The following LBR variants were observed in gnomAD, a reference collection of about 807,000 sequenced individuals.
The protein encoded by LBR is lamin B receptor, also known as delta(14)-sterol reductase LBR.
In LBR, 28 loss-of-function variants were observed where a neutral mutation model predicts 74.3. The observed-to-expected ratio is 0.38, with a 90% CI of 0.28 to 0.52. The LOEUF (loss-of-function observed/expected upper bound fraction) is 0.52, where lower values mean the gene tolerates loss of function less well. Among genes scored for constraint, LBR ranks in the 20% least tolerant of loss-of-function variants. The pLI, the probability that LBR is intolerant of heterozygous loss-of-function variation, is 0.89. For synonymous variants in LBR, 228 were observed against 269.3 expected (o/e 0.85, Z 1.50); for missense variants, 717 against 760.3 (o/e 0.94, Z 0.67).
At chr1:225,426,968 C>T (rs540174195) in intron 1 of LBR, among the ~76,000 whole-genome samples, 2 of 152,350 alleles carry the variant, frequency 1.3e-5, no homozygotes, top group Admixed American at 1.3e-4. Flanking sequence ...TTCTCCGTAG[C>T]TCCATCTTCT....
At chr1:225,415,387 T>G in intron 6 of LBR, 55 bp from the exon 7 acceptor site, 1 of 842,064 alleles carries the variant, frequency 1.2e-6, no homozygotes, top group Non-Finnish European at 2.0e-6. Context: ...CATATATACA[T>G]ATATACACAC....
At chr1:225,420,437 T>A (rs1558656986) in intron 3 of LBR, among the ~76,000 whole-genome samples, 1 of 152,054 alleles carries the variant, frequency 6.6e-6, no homozygotes, top group Non-Finnish European at 1.5e-5. Context: ...GTTCATTAAC[T>A]GGATAAAAAA....
At chr1:225,422,378 T>A in intron 2 of LBR, 101 bp from the exon 3 acceptor site, 1 of 916,084 alleles carries the variant, frequency 1.1e-6, no homozygotes, top group Non-Finnish European at 1.7e-6. Context: ...CTGCTACCAT[T>A]AACTCTAAAA....
At chr1:225,422,053 C>T (rs990802457) in intron 3 of LBR, 24 bp downstream of exon 3, 11 of 1,605,126 alleles carry the variant, frequency 6.9e-6, no homozygotes, top group Non-Finnish European at 9.4e-6. Context: ...AGACAAAAGG[C>T]TGTATAAGGA....
intron 9 of LBR, 108 bp from the exon 10 acceptor site, chr1:225,410,524 G>A (rs918878990): frequency 1.9e-5 from 22 of 1,172,672 alleles, no homozygotes; most frequent in African/African-American, 9.1e-5. Context: ...AGACGCCACC[G>A]TAACTCCTAC....
intron 9 of LBR, 35 bp downstream of exon 9, chr1:225,411,302 G>C (rs748254840): frequency 2.1e-6 from 3 of 1,431,856 alleles, no homozygotes; most frequent in Admixed American, 1.7e-5. Context: ...TAGACCTATT[G>C]AATTGAAATT....
chr1:225,411,892 C>T (rs920514725), intron 8 of LBR, among the ~76,000 whole-genome samples: 1 of 152,258 alleles, frequency 6.6e-6, no homozygotes, highest in South Asian at 2.1e-4. Context: ...TCACTGCAAC[C>T]TCCGCCTCCC....
At chr1:225,411,521 C>A in intron 8 of LBR, 81 bp from the exon 9 acceptor site, 1 of 1,003,322 alleles carries the variant, frequency 1.0e-6, no homozygotes, top group East Asian at 2.4e-5. Context: ...GCCCACTATC[C>A]AGGCTCACAA....
chr1:225,418,091 G>C lies in LBR; in HGVS notation c.730C>G (p.Pro244Ala). The C allele has an allele frequency of 6.2e-7, 1 of 1,614,166 alleles. No individual in the cohort carries two copies. Among genetic ancestry groups the C allele is most frequent in the Admixed American group, 1.7e-5 (1 of 60,026 alleles). The change falls in exon 6 of 14, where the codon CCT (proline) becomes GCT (alanine). Residue 244 changes from proline to alanine, a missense_variant. Pro to Ala is a conservative substitution (Grantham distance 27). Transcript: ENST00000272163. ...TCATACAAAGCTGGCAAAGGAGGAG[G>C]GAAATTCAGAAGACTGGGATCTTTC... ...KQKDPSLLNFPPPLPALYELW... is the reference protein window; with the variant it reads ...KQKDPSLLNFAPPLPALYELW...
At chr1:225,422,393 C>A (rs1441237886) in intron 2 of LBR, 116 bp from the exon 3 acceptor site, 1 of 819,336 alleles carries the variant, frequency 1.2e-6, no homozygotes, top group Non-Finnish European at 2.0e-6. Flanking sequence ...CTAAAATCAG[C>A]ACGGGAAATG....
At chr1:225,416,376 T>C (rs2096117181) in intron 6 of LBR, among the ~76,000 whole-genome samples, 1 of 152,236 alleles carries the variant, frequency 6.6e-6, no homozygotes, top group African/African-American at 2.4e-5. Context: ...AGCCACGTTT[T>C]ACCCCACAAA....
chr1:225,422,222 C>T lies in LBR; in HGVS notation c.221G>A (p.Arg74Lys). 6.2e-7 allele frequency: 1 copy of T among 1,613,870 alleles called. No individual in the cohort carries two copies. Among genetic ancestry groups the T allele is most frequent in the Non-Finnish European group, 8.5e-7 (1 of 1,180,004 alleles). Reference protein sequence around the residue: ...KGGSTSSSPSRRRGSRSRSRS... With the variant: ...KGGSTSSSPSKRRGSRSRSRS... ...TGACCTTGATCGACTCCCTCGGCGT[C>T]TGGAAGGGGAACTGGAAGTTGAGCC... The change falls in exon 3 of 14, where the codon AGA becomes AAA. Residue 74 changes from arginine (R) to lysine (K), a missense_variant. Coordinates refer to ENST00000272163, the MANE Select transcript of LBR (RefSeq NM_002296.4).
chr1:225,419,718 T>G lies in LBR; in HGVS notation c.447A>C (p.Thr149=). The change falls in exon 4 of 14, where the codon ACA becomes ACC. Residue 149 remains threonine, a synonymous_variant. Transcript: ENST00000272163. The part of the protein sequence containing the change: ...IERNDAPHKN[T]QEKFSLSQES... The stretch of plus-strand genomic sequence containing the variant: ...ATGAAAGGGAACACTTTCCCACCTG[T>G]GTATTTTTATGAGGTGCGTCATTTC... 1.9e-6 allele frequency: 3 copies of G among 1,606,816 alleles called. No homozygotes were observed. The highest frequency in any genetic ancestry group is 8.5e-7 in the Non-Finnish European group (1 of 1,174,588).
intron 7 of LBR, 32 bp downstream of exon 7, chr1:225,415,243 AATC>A: frequency 1.5e-6 from 2 of 1,360,026 alleles, no homozygotes; most frequent in Non-Finnish European, 2.1e-6. Context: ...TAAGCTATCA[AATC>A]ATCAATTTGA....
intron 6 of LBR, chr1:225,417,414 G>A (rs2096119439): frequency 6.6e-6 from 1 of 152,278 alleles, no homozygotes; most frequent in Non-Finnish European, 1.5e-5. Context: ...TAGCAATGGA[G>A]AGACAAATTT....
At chr1:225,425,971 C>T (rs1386365315) in intron 1 of LBR, among the ~76,000 whole-genome samples, 2 of 152,242 alleles carry the variant, frequency 1.3e-5, no homozygotes, top group Non-Finnish European at 2.9e-5. Context: ...ACCACATACA[C>T]AGTATCTGTG....
rs1189063395 is a variant in LBR, at chr1:225,411,416, A to G, written c.1109T>C (p.Ile370Thr). The change falls in exon 9 of 14, where the codon ATT (isoleucine) becomes ACT (threonine). Residue 370 changes from isoleucine to threonine, a missense_variant. Transcript: ENST00000272163. Reference protein sequence around the residue: ...SSGNAVYDFFIGRELNPRIGT... With the variant: ...SSGNAVYDFFTGRELNPRIGT... ...AATTCGAGGGTTTAATTCACGGCCA[A>G]TGAAGAAATCATAGACAGCATTTCC... The G allele has an allele frequency of 2.5e-6, 4 of 1,613,896 alleles. No individual in the cohort carries two copies. Among genetic ancestry groups the G allele is most frequent in the Middle Eastern group, 1.7e-4 (1 of 6,060 alleles).
chr1:225,421,986 T>G, intron 3 of LBR, 91 bp downstream of exon 3: 1 of 1,248,100 alleles, frequency 8.0e-7, no homozygotes, highest in Middle Eastern at 2.6e-4. Flanking sequence ...GATGTTTCAG[T>G]GACATTTTAA....
At chr1:225,419,594 CAG>C (rs2096123904) in intron 4 of LBR, 119 bp downstream of exon 4, 2 of 1,027,296 alleles carry the variant, frequency 1.9e-6, no homozygotes, top group East Asian at 2.4e-5. Flanking sequence ...AATTTAAGGA[CAG>C]AATTTTAGAA....
Sources: allele counts gnomAD v4.1 joint callset (sites outside exome capture counted in the v4.1 genomes callset), GRCh38; gene constraint gnomAD v4.1.1; transcripts MANE v1.5; gene names NCBI Gene and HGNC (gene_info 2026-07-23, HGNC 2026-07-21).